The following UNC79 variants were observed in gnomAD, a reference collection of about 807,000 sequenced individuals.
UNC79 encodes the protein unc-79 subunit of NALCN channel complex.
Under a neutral mutation model 283.1 loss-of-function variants are expected in UNC79, and 37 were observed. That is an observed-to-expected ratio of 0.13 (90% CI 0.10 to 0.17). The LOEUF (loss-of-function observed/expected upper bound fraction) is 0.17. Ranked by LOEUF, UNC79 falls within the 10% of genes least tolerant of loss-of-function variation. The pLI, the probability that UNC79 is intolerant of heterozygous loss-of-function variation, is 1.00. For missense variants in UNC79, 2,272 were observed against 3,211.1 expected, an observed-to-expected ratio of 0.71 and a Z score of 7.07; for synonymous variants, 1,107 against 1,200.2, an observed-to-expected ratio of 0.92 and a Z score of 1.61.
At chr14:93,524,068 A>G (rs568012589) in intron 8 of UNC79, 26 bp downstream of exon 8, 78 of 1,613,212 alleles carry the variant, frequency 4.8e-5, no homozygotes, top group Non-Finnish European at 6.3e-5. Context: ...ACCTGGTGCC[A>G]TACTGTATTG....
chr14:93,553,695 A>G (rs564719952), intron 14 of UNC79, among the ~76,000 whole-genome samples: 13 of 152,346 alleles, frequency 8.5e-5, no homozygotes, highest in African/African-American at 3.1e-4. Flanking sequence ...GGAATCTCAT[A>G]TAACTATGGA....
rs1251701550 is a variant in UNC79, at chr14:93,493,901, A to ATATTTT, written c.713-2509_713-2508insATTTTT. 1.9e-3 allele frequency among the ~76,000 whole-genome samples: 94 copies of ATATTTT among 49,254 alleles called. 2 individuals are homozygous for ATATTTT. The highest frequency in any genetic ancestry group is 7.4e-3 in the South Asian group (6 of 814). The allele number at this position is 49,254 out of a possible 152,430, so 32.3% of individuals were successfully genotyped here. On this transcript the variant is annotated intron_variant, in intron 5 of 48. Transcript: ENST00000555664. Reference sequence around the variant, plus strand: ...TATATATATATATATATATATATATATTTTTTTTTTTTTTTTTTTGAGATA... The same window carrying ATATTTT: ...TATATATATATATATATATATATATATATTTTTTTTTTTTTTTTTTTTTTTGAGATA...
In UNC79 at chr14:93,366,571, CT is replaced by C. The variant is rs370391512; in HGVS notation, c.-351+33063del. On this transcript the variant is annotated intron_variant, in intron 1 of 49. Coordinates refer to the UNC79 transcript ENST00000256339. ...AAGTTCTCTTGATTCTTTTTTTATT[CT>C]TTTTTTTTTTTTTTATTTGAGACAG... Among the ~76,000 whole-genome samples the C allele has an allele frequency of 9.7e-3, 1,354 of 139,374 alleles. 16 individuals are homozygous for C. Among genetic ancestry groups the C allele is most frequent in the South Asian group, 0.057 (250 of 4,372 alleles). The allele number at this position is 139,374 out of a possible 152,430, so 91.4% of individuals were successfully genotyped here. A position where few individuals can be genotyped will look rare whatever the true frequency, so the allele number is the denominator to read the frequency against.
chr14:93,621,528 T>G lies in UNC79; in HGVS notation c.4388-93T>G. 1 of 1,373,390 alleles carries G rather than the reference T, an allele frequency of 7.3e-7. No homozygotes were observed. 85.1% of individuals were successfully genotyped at this position (1,373,390 alleles called of 1,614,324 possible). A position where few individuals can be genotyped will look rare whatever the true frequency, so the allele number is the denominator to read the frequency against. On this transcript the variant is annotated intron_variant, in intron 29 of 48. Coordinates refer to ENST00000555664, the Ensembl canonical transcript of UNC79. The surrounding 1 kb of genome is among the most constrained non-coding windows in gnomAD (Gnocchi z 4.8). ...CCTCCTGGTGGAGCTGGGATTGTGA[T>G]GATGATTTATGCCAATTGTATGCCC...
Position 93,464,371 on chromosome 14 carries a change from C to T in UNC79, c.23-3300C>T, listed in dbSNP as rs538354403. ...TGGCTGCCTTCTCTCTCTGTCCTCA[C>T]GTGGCCTTTCCTCTGTGTTCCCACA... On this transcript the variant is annotated intron_variant, in intron 1 of 48. Coordinates refer to ENST00000555664, the Ensembl canonical transcript of UNC79. 3.9e-5 allele frequency among the ~76,000 whole-genome samples: 6 copies of T among 152,264 alleles called. No homozygotes were observed. In the South Asian group the frequency reaches 6.2e-4, roughly 16 times the overall value.
intron 14 of UNC79, among the ~76,000 whole-genome samples, chr14:93,545,690 T>G (rs1459804606): frequency 6.6e-6 from 1 of 152,206 alleles, no homozygotes; most frequent in Non-Finnish European, 1.5e-5. Flanking sequence ...TTCACAAATA[T>G]GACATTCTGC....
Position 93,399,276 on chromosome 14 carries a change from G to GT in UNC79, c.-351+65754dup, listed in dbSNP as rs2055059253. On this transcript the variant is annotated intron_variant, in intron 1 of 49. Coordinates refer to the UNC79 transcript ENST00000256339. Reference sequence around the variant, plus strand: ...GATTACAATTTGAGATGAGATTTGGGTGGGGACACAGCCAAACCATATCAC... The same window carrying GT: ...GATTACAATTTGAGATGAGATTTGGGTTGGGGACACAGCCAAACCATATCAC... Among the ~76,000 whole-genome samples, 3 of 152,256 alleles carry GT rather than the reference G, an allele frequency of 2.0e-5. No homozygotes were observed. In the South Asian group the frequency reaches 6.2e-4, roughly 32 times the overall value.
chr14:93,510,592 C>G (rs1012893556), intron 7 of UNC79, among the ~76,000 whole-genome samples: 1 of 152,150 alleles, frequency 6.6e-6, no homozygotes, highest in Non-Finnish European at 1.5e-5. Context: ...TTCTACAGAT[C>G]CCTAGAGCAG....
chr14:93,580,326 G>A (rs749171642), exon 19 of UNC79: 1 of 1,614,214 alleles, frequency 6.2e-7, no homozygotes, highest in Admixed American at 1.7e-5. Context: ...CTATCAGCTT[G>A]CTTGTGAACT....
chr14:93,530,481 A>C (rs1040273275), intron 10 of UNC79, among the ~76,000 whole-genome samples: 22 of 152,262 alleles, frequency 1.4e-4, no homozygotes, highest in African/African-American at 4.1e-4. Context: ...GCATGGTGGC[A>C]CGTGCCTGTA....
At chr14:93,501,767 T>C (rs1372034663) in intron 7 of UNC79, among the ~76,000 whole-genome samples, 1 of 152,194 alleles carries the variant, frequency 6.6e-6, no homozygotes, top group Non-Finnish European at 1.5e-5. Context: ...GTTAACATTT[T>C]GGTTTATTTA....
chr14:93,393,986 T>G (rs774901176), intron 1 of UNC79, among the ~76,000 whole-genome samples: 2 of 152,204 alleles, frequency 1.3e-5, no homozygotes, highest in African/African-American at 4.8e-5. Flanking sequence ...GTCAGGTTTT[T>G]TTTTTTAGGA....
chr14:93,418,123 C>T (rs367914438), intron 1 of UNC79, among the ~76,000 whole-genome samples: 9 of 151,718 alleles, frequency 5.9e-5, no homozygotes, highest in Non-Finnish European at 1.3e-4. Flanking sequence ...AGTTTTTCTG[C>T]TCTGTTTTTT....
chr14:93,476,169 A>C (rs573724701), intron 3 of UNC79, among the ~76,000 whole-genome samples: 61 of 151,914 alleles, frequency 4.0e-4, no homozygotes, highest in Non-Finnish European at 2.1e-4. Context: ...TTTTGCATAG[A>C]CTTTGAGAGC....
chr14:93,383,088 GT>G (rs956731059), intron 1 of UNC79, among the ~76,000 whole-genome samples: 2 of 152,170 alleles, frequency 1.3e-5, no homozygotes, highest in Non-Finnish European at 1.5e-5. Context: ...TTTATGGAGG[GT>G]GTGTCATTTG....
intron 37 of UNC79, among the ~76,000 whole-genome samples, chr14:93,654,378 C>T (rs2140350471): frequency 6.6e-6 from 1 of 151,832 alleles, no homozygotes; most frequent in South Asian, 2.1e-4. Flanking sequence ...TGCCTGTAGT[C>T]CCAGCTACTC....
At chr14:93,415,698 G>T (rs1216959251) in intron 1 of UNC79, among the ~76,000 whole-genome samples, 2 of 151,256 alleles carry the variant, frequency 1.3e-5, no homozygotes, top group African/African-American at 2.4e-5. Flanking sequence ...CAATTTCAGA[G>T]CCTGTTATTG....
chr14:93,640,774 T>C (rs149400509), intron 32 of UNC79, among the ~76,000 whole-genome samples: 22 of 152,362 alleles, frequency 1.4e-4, no homozygotes, highest in Non-Finnish European at 2.5e-4. Context: ...CAGTATCATA[T>C]GGGAAGTTTC....
chr14:93,529,426 C>T, intron 10 of UNC79, 100 bp downstream of exon 10: 3 of 1,306,748 alleles, frequency 2.3e-6, no homozygotes, highest in Non-Finnish European at 2.2e-6. Flanking sequence ...AAGACAGTCA[C>T]CAAAGTATTG....
Sources: allele counts gnomAD v4.1 joint callset (sites outside exome capture counted in the v4.1 genomes callset), GRCh38; gene constraint gnomAD v4.1.1; non-coding constraint Gnocchi (gnomAD v3.1); transcripts MANE v1.5; gene names NCBI Gene and HGNC (gene_info 2026-07-23, HGNC 2026-07-21).